SYNE1: variants seen among roughly 807,000 people sequenced by gnomAD.
SYNE1 encodes the protein spectrin repeat containing nuclear envelope protein 1, also known as nesprin-1.
Under a neutral mutation model 1,111.0 loss-of-function variants are expected in SYNE1, and 616 were observed. The ratio of observed to expected loss-of-function variants is 0.55; its 90% CI spans 0.52 to 0.59. SYNE1 has a LOEUF of 0.59. Among genes scored for constraint, SYNE1 ranks in the 20% least tolerant of loss-of-function variants. The pLI, the probability that SYNE1 is intolerant of heterozygous loss-of-function variation, is 0.00. For synonymous variants in SYNE1, 3,855 were observed against 3,825.8 expected, an observed-to-expected ratio of 1.01 and a Z score of -0.28; for missense variants, 10,006 against 10,417.0, an observed-to-expected ratio of 0.96 and a Z score of 1.72.
At chr6:152,271,769 G>A (rs1424763483) in intron 98 of SYNE1, among the ~76,000 whole-genome samples, 4 of 152,232 alleles carry the variant, frequency 2.6e-5, no homozygotes, top group Admixed American at 6.5e-5. Flanking sequence ...ATCAGTGGAC[G>A]AGACTGAAAG....
At chr6:152,594,171 T>C (rs758742420) in intron 3 of SYNE1, among the ~76,000 whole-genome samples, 2 of 152,212 alleles carry the variant, frequency 1.3e-5, no homozygotes, top group Non-Finnish European at 1.5e-5. Flanking sequence ...CTTGCCATTC[T>C]GTGTGGGACA....
At chr6:152,277,843 A>G in intron 98 of SYNE1, 1 of 555,776 alleles carries the variant, frequency 1.8e-6, no homozygotes, top group Non-Finnish European at 3.3e-6. Context: ...TTCATGTCAG[A>G]GTGCTTTTTG....
At chr6:152,341,068 C>T (rs2096525997) in intron 74 of SYNE1, among the ~76,000 whole-genome samples, 1 of 152,140 alleles carries the variant, frequency 6.6e-6, no homozygotes, top group Non-Finnish European at 1.5e-5. Context: ...AGTATTTTTC[C>T]TCTGCACTGT....
chr6:152,320,597 C>T (rs2095848773), intron 84 of SYNE1, among the ~76,000 whole-genome samples: 1 of 150,432 alleles, frequency 6.6e-6, no homozygotes, highest in African/African-American at 2.5e-5. Flanking sequence ...CTTCATGAGA[C>T]CAGAGACAGA....
rs1190890349 is a variant in SYNE1 at position 152,347,098 on chromosome 6, T to G, written c.12039A>C (p.Thr4013=). ...KQNVHAHLQG[T]KDSYSAICST... is the part of the protein sequence containing the mutation. Reference sequence around the variant, plus strand: ...TGCAGATCGCTGAGTAGCTGTCCTTTGTGCCCTGCAGATGAGCATGCACGT... The same window carrying G: ...TGCAGATCGCTGAGTAGCTGTCCTTGGTGCCCTGCAGATGAGCATGCACGT... Residue 4013 remains threonine (T), a synonymous_variant, in exon 73 of 146, where the codon ACA becomes ACC. Coordinates refer to ENST00000367255, the MANE Select transcript of SYNE1 (RefSeq NM_182961.4). 1.5e-5 allele frequency: 25 copies of G among 1,614,238 alleles called. 1 individual carries two copies. Among genetic ancestry groups the G allele is most frequent in the East Asian group, 8.9e-5 (4 of 44,874 alleles).
chr6:152,404,114 TATACACAC>T (rs2097859544), intron 46 of SYNE1, 91 bp downstream of exon 46: 1 of 717,000 alleles, frequency 1.4e-6, no homozygotes, highest in African/African-American at 1.8e-5. Context: ...GATATATATA[TATACACAC>T]ACACACACAC....
chr6:152,126,214 T>C (rs1193109590), intron 145 of SYNE1: 2 of 152,156 alleles, frequency 1.3e-5, no homozygotes, highest in Non-Finnish European at 2.9e-5. Flanking sequence ...CCCTTGAAAA[T>C]ATCCGAACTA....
Position 152,255,125 on chromosome 6 carries a change from A to G in SYNE1, c.19261-36T>C, listed in dbSNP as rs148021369. 2.9e-4 allele frequency: 427 copies of G among 1,496,180 alleles called. 1 individual carries two copies. In the African/African-American group the frequency reaches 5.3e-3, roughly 19 times the overall value. 92.7% of individuals were successfully genotyped at this position (1,496,180 alleles called of 1,614,324 possible). A position where few individuals can be genotyped will look rare whatever the true frequency, so the allele number is the denominator to read the frequency against. ...TAAAAGGGCATTTTTCAGTGTTTAG[A>G]TACATGAATTGATATGCAAATCATG... On this transcript the variant is annotated intron_variant, in intron 103 of 145. Coordinates refer to ENST00000367255, the MANE Select transcript of SYNE1 (RefSeq NM_182961.4).
At chr6:152,198,072 A>G (rs1035679746) in intron 127 of SYNE1, among the ~76,000 whole-genome samples, 7 of 143,246 alleles carry the variant, frequency 4.9e-5, no homozygotes, top group Non-Finnish European at 9.2e-5. Context: ...GAAAGAGGGA[A>G]GGAAGGAAAG....
In SYNE1 at chr6:152,151,615, G is replaced by A. The variant is rs1248224535; in HGVS notation, c.24388C>T (p.Gln8130Ter). ...GAAAAATGTTCAATATTAGTGAGCT[G>A]CAGATCCATCTCTGTGAGCCAGACC... The part of the protein sequence containing the change: ...ILVWLTEMDL[Q>*]LTNIEHFSEC... Residue 8130 changes from glutamine (Q) to a stop codon, truncating the protein, a stop_gained, in exon 135 of 146, where the codon CAG (glutamine) becomes TAG (stop). Transcript: ENST00000367255. LOFTEE classifies it high-confidence loss of function. The A allele has an allele frequency of 5.0e-6, 8 of 1,613,988 alleles. No individual in the cohort carries two copies.
At chr6:152,157,499 G>A (rs112767245) in intron 131 of SYNE1, among the ~76,000 whole-genome samples, 1 of 152,114 alleles carries the variant, frequency 6.6e-6, no homozygotes, top group South Asian at 2.1e-4. Flanking sequence ...CTTAATGTTC[G>A]ATAGAGTAGA....
chr6:152,346,617 T>A (rs903191683), intron 73 of SYNE1, among the ~76,000 whole-genome samples: 1 of 151,544 alleles, frequency 6.6e-6, no homozygotes, highest in Admixed American at 6.6e-5. Flanking sequence ...GAAACCATCC[T>A]GGCTAACACG....
At chr6:152,135,355 T>G (rs2056815874) in intron 141 of SYNE1, 123 bp from the exon 142 acceptor site, 1 of 1,075,580 alleles carries the variant, frequency 9.3e-7, no homozygotes, top group Non-Finnish European at 1.4e-6. Context: ...TGCAACTCCT[T>G]TCTGAGGAAG....
chr6:152,128,512 T>C (rs1336866658), intron 145 of SYNE1: 1 of 152,208 alleles, frequency 6.6e-6, no homozygotes, highest in Non-Finnish European at 1.5e-5. Context: ...ATCACCACCA[T>C]CAAATCAAAT....
chr6:152,617,986 C>G (rs1185713352), intron 3 of SYNE1, among the ~76,000 whole-genome samples: 1 of 152,146 alleles, frequency 6.6e-6, no homozygotes, highest in Non-Finnish European at 1.5e-5. Context: ...CGAAGTCAGG[C>G]AATGGACACC....
In SYNE1 at chr6:152,122,155, C is replaced by T. The variant is rs116356962; in HGVS notation, c.*281G>A. On this transcript the variant is annotated 3_prime_UTR_variant, in exon 146 of 146. Coordinates refer to ENST00000367255, the MANE Select transcript of SYNE1 (RefSeq NM_182961.4). Reference sequence around the variant, plus strand: ...GCCAAGGGCCCAGAATTCATGAGTCCGGGGAACTTTGGAGGTCCTTACTCA... The same window carrying T: ...GCCAAGGGCCCAGAATTCATGAGTCTGGGGAACTTTGGAGGTCCTTACTCA... 934 of 463,494 alleles carry T rather than the reference C, an allele frequency of 2.0e-3. 14 individuals are homozygous for T. The highest frequency in any genetic ancestry group is 0.017 in the African/African-American group (880 of 50,618). 28.7% of individuals were successfully genotyped at this position (463,494 alleles called of 1,614,324 possible).
At chr6:152,606,560 A>G (rs905865121) in intron 3 of SYNE1, among the ~76,000 whole-genome samples, 8 of 152,226 alleles carry the variant, frequency 5.3e-5, no homozygotes, top group Non-Finnish European at 1.2e-4. Context: ...CATTTTACCA[A>G]TAGAAGAGCA....
intron 3 of SYNE1, among the ~76,000 whole-genome samples, chr6:152,575,043 A>G (rs1177050234): frequency 6.6e-6 from 1 of 152,256 alleles, no homozygotes; most frequent in East Asian, 1.9e-4. Flanking sequence ...TGTACCAAAC[A>G]TGAAATGTAA....
intron 18 of SYNE1, 196 bp downstream of exon 18, chr6:152,465,062 T>C (rs2098756332): frequency 3.2e-6 from 2 of 626,472 alleles, no homozygotes; most frequent in Non-Finnish European, 2.8e-6. Context: ...TTGGATTTAC[T>C]CAACCCTCCA....
Sources: allele counts gnomAD v4.1 joint callset (sites outside exome capture counted in the v4.1 genomes callset), GRCh38; gene constraint gnomAD v4.1.1; transcripts MANE v1.5; gene names NCBI Gene and HGNC (gene_info 2026-07-23, HGNC 2026-07-21).